KCNN2: variants seen among roughly 807,000 people sequenced by gnomAD.
The protein encoded by KCNN2 is small conductance calcium-activated potassium channel protein 2.
A neutral mutation model predicts 55.5 loss-of-function variants in KCNN2; 24 were observed. That is an observed-to-expected ratio of 0.43 (90% CI 0.31 to 0.61). KCNN2 has a LOEUF of 0.61. Ranked by LOEUF, KCNN2 falls within the 20% of genes least tolerant of loss-of-function variation. KCNN2 has a pLI of 0.08. For missense variants in KCNN2, 754 were observed against 853.6 expected (o/e 0.88, Z 1.45); for synonymous variants, 431 against 336.1 (o/e 1.28, Z -3.09).
chr5:114,057,319 A>G (rs906131648), intron 1 of KCNN2: 9 of 152,380 alleles, frequency 5.9e-5, no homozygotes, highest in African/African-American at 1.7e-4. Flanking sequence ...TTTAAACCTC[A>G]TAACTACCCC....
At chr5:114,192,485 GT>G (rs1186127605) in intron 1 of KCNN2, among the ~76,000 whole-genome samples, 3 of 152,100 alleles carry the variant, frequency 2.0e-5, no homozygotes, top group Admixed American at 2.0e-4. Flanking sequence ...GGCAATGGAA[GT>G]ACTACTTCTC....
intron 2 of KCNN2, among the ~76,000 whole-genome samples, chr5:114,272,295 A>G (rs1175855752): frequency 2.0e-5 from 3 of 150,876 alleles, no homozygotes; most frequent in Non-Finnish European, 1.5e-5. Context: ...ACATATATGT[A>G]TGTACATATC....
At chr5:114,366,767 T>C (rs150582645) in intron 2 of KCNN2, among the ~76,000 whole-genome samples, 152 of 152,348 alleles carry the variant, frequency 1.0e-3, no homozygotes, top group African/African-American at 3.5e-3. Context: ...ATAAAAAGTT[T>C]TAAGCTAATG....
At chr5:114,251,655 G>C (rs1211454925) in intron 2 of KCNN2, among the ~76,000 whole-genome samples, 3 of 152,134 alleles carry the variant, frequency 2.0e-5, no homozygotes, top group African/African-American at 7.2e-5. Flanking sequence ...TGCACTAGAT[G>C]TGGTCACGTG....
chr5:114,463,016 T>G lies in KCNN2; in HGVS notation c.1638-33T>G, dbSNP rs1221684251. The stretch of plus-strand genomic sequence containing the variant: ...CTTAACTATCATATTGGAGATTAAT[T>G]ATAAAGGACTGGTTTTGTTTGCTGT... On this transcript the variant is annotated intron_variant, in intron 3 of 7. Coordinates refer to ENST00000673685, the MANE Select transcript of KCNN2 (RefSeq NM_021614.4). The G allele has an allele frequency of 2.5e-6, 4 of 1,599,338 alleles. No individual in the cohort carries two copies. The African/African-American group carries it at 5.4e-5, about 21-fold the overall frequency.
intron 3 of KCNN2, among the ~76,000 whole-genome samples, chr5:114,405,836 G>A (rs750990434): frequency 1.3e-5 from 2 of 151,074 alleles, no homozygotes; most frequent in Admixed American, 1.3e-4. Context: ...TCAGCCTCCC[G>A]AGTAGCTGGG....
chr5:114,131,119 A>G (rs941812784), intron 1 of KCNN2, among the ~76,000 whole-genome samples: 4 of 151,820 alleles, frequency 2.6e-5, no homozygotes, highest in African/African-American at 7.3e-5. Context: ...TATTTATTTT[A>G]TTTTATTTTT....
intron 2 of KCNN2, among the ~76,000 whole-genome samples, chr5:114,299,660 T>C (rs1756110915): frequency 6.6e-6 from 1 of 152,188 alleles, no homozygotes; most frequent in African/African-American, 2.4e-5. Flanking sequence ...GTCCCATCTC[T>C]GGGCACTGGC....
intron 1 of KCNN2, among the ~76,000 whole-genome samples, chr5:114,080,103 C>T (rs75368457): frequency 0.016 from 2,362 of 152,164 alleles, 55 homozygotes; most frequent in African/African-American, 0.053. Flanking sequence ...GAGCTTCTTT[C>T]CTGAAGTCTT....
At chr5:114,109,046 C>A (rs749078218) in intron 1 of KCNN2, among the ~76,000 whole-genome samples, 50 of 151,628 alleles carry the variant, frequency 3.3e-4, no homozygotes, top group Middle Eastern at 3.4e-3. Context: ...CCAAGCTAAT[C>A]TTGGCAGAGA....
chr5:114,414,385 A>G (rs756678772), intron 3 of KCNN2, among the ~76,000 whole-genome samples: 1 of 152,186 alleles, frequency 6.6e-6, no homozygotes, highest in African/African-American at 2.4e-5. Context: ...CAGGTAATAA[A>G]GCACCTACTG....
chr5:114,067,082 A>C (rs1750467632), intron 1 of KCNN2, among the ~76,000 whole-genome samples: 1 of 152,190 alleles, frequency 6.6e-6, no homozygotes, highest in Non-Finnish European at 1.5e-5. Flanking sequence ...CACAGGGAAA[A>C]CCAGTCATAA....
chr5:114,314,110 G>T (rs1290341085), intron 2 of KCNN2, among the ~76,000 whole-genome samples: 2 of 152,028 alleles, frequency 1.3e-5, no homozygotes, highest in Admixed American at 6.6e-5. Flanking sequence ...ATGTTGTATA[G>T]GACATGAACA....
At chr5:114,297,462 A>G (rs568731075) in intron 2 of KCNN2, among the ~76,000 whole-genome samples, 2 of 152,328 alleles carry the variant, frequency 1.3e-5, no homozygotes, top group African/African-American at 4.8e-5. Flanking sequence ...CTACTTGATG[A>G]CAGTGACAGT....
intron 1 of KCNN2, among the ~76,000 whole-genome samples, chr5:114,128,484 T>C (rs1751985449): frequency 6.6e-6 from 1 of 152,130 alleles, no homozygotes; most frequent in Non-Finnish European, 1.5e-5. Context: ...GCATGACATG[T>C]GGGGATTATG....
intron 1 of KCNN2, among the ~76,000 whole-genome samples, chr5:114,068,508 A>G (rs1337214445): frequency 1.3e-5 from 2 of 152,188 alleles, no homozygotes; most frequent in Non-Finnish European, 2.9e-5. Context: ...GTGACAGTTT[A>G]TACTGTTTCC....
chr5:114,274,241 A>C (rs1755432816), intron 2 of KCNN2, among the ~76,000 whole-genome samples: 1 of 27,436 alleles, frequency 3.6e-5, no homozygotes, highest in Non-Finnish European at 1.1e-4. Flanking sequence ...TGGTTACTGT[A>C]GCCTTGTATA....
intron 2 of KCNN2, among the ~76,000 whole-genome samples, chr5:114,277,948 G>C (rs1446930000): frequency 6.6e-6 from 1 of 150,866 alleles, no homozygotes; most frequent in Admixed American, 6.6e-5. Flanking sequence ...CAGCCTTTTT[G>C]CTCTGGTTTC....
At chr5:114,395,724 C>G (rs778530654) in intron 2 of KCNN2, among the ~76,000 whole-genome samples, 1 of 152,096 alleles carries the variant, frequency 6.6e-6, no homozygotes. Flanking sequence ...CTCAACCTGG[C>G]AAATACCACT....
Sources: allele counts gnomAD v4.1 joint callset (sites outside exome capture counted in the v4.1 genomes callset), GRCh38; gene constraint gnomAD v4.1.1; transcripts MANE v1.5; gene names NCBI Gene and HGNC (gene_info 2026-07-23, HGNC 2026-07-21).